Variants in CYP7B1 observed in about 807,000 individuals in gnomAD.
The protein encoded by CYP7B1 is cytochrome P450 7B1.
CYP7B1 carries 29 observed loss-of-function variants against 42.7 expected under a neutral mutation model. The ratio of observed to expected loss-of-function variants is 0.68; its 90% CI spans 0.51 to 0.93. CYP7B1 has a LOEUF of 0.93. CYP7B1 is among the 40% of genes least tolerant of loss of function. CYP7B1 has a pLI of 0.00. For synonymous variants in CYP7B1, 235 were observed against 218.2 expected (o/e 1.08, Z -0.68); for missense variants, 655 against 600.5 (o/e 1.09, Z -0.95).
At chr8:64,661,325 T>C (rs1224430701) in intron 1 of CYP7B1, among the ~76,000 whole-genome samples, 1 of 152,214 alleles carries the variant, frequency 6.6e-6, no homozygotes, top group Admixed American at 6.5e-5. Context: ...TTTATAAATG[T>C]TTGCAAGAAG....
At position 64,637,929 on chromosome 8, in the gene CYP7B1, A is replaced by G. The variant is rs1449726245; in HGVS notation, c.123-13390T>C. Among the ~76,000 whole-genome samples the G allele has an allele frequency of 3.9e-5, 6 of 151,934 alleles. No homozygotes were observed. The East Asian group carries it at 9.6e-4, about 24-fold the overall frequency. ...CTCCTCTCCTATTTTCCATCACTTT[A>G]TCTTTTGCTCCACTTACTGACAGAT... On this transcript the variant is annotated intron_variant, in intron 1 of 5. Coordinates refer to ENST00000310193, the MANE Select transcript of CYP7B1 (RefSeq NM_004820.5).
chr8:64,787,227 GTT>G (rs1199771191), intron 1 of CYP7B1, among the ~76,000 whole-genome samples: 3 of 143,366 alleles, frequency 2.1e-5, no homozygotes, highest in African/African-American at 8.5e-5. Flanking sequence ...GCAGGCTTGA[GTT>G]TCTCTAAAAT....
chr8:64,709,318 T>C (rs35670435), intron 1 of CYP7B1, among the ~76,000 whole-genome samples: 2,910 of 152,356 alleles, frequency 0.019, 41 homozygotes, highest in Non-Finnish European at 0.03. Flanking sequence ...TTCTTTCTTG[T>C]ATCTTATTTA....
chr8:64,674,538 G>T (rs1244948989), intron 1 of CYP7B1, among the ~76,000 whole-genome samples: 1 of 152,096 alleles, frequency 6.6e-6, no homozygotes, highest in African/African-American at 2.4e-5. Context: ...AATACTTGAT[G>T]GCAATAAGGG....
chr8:64,783,503 G>A (rs554366918), intron 1 of CYP7B1, among the ~76,000 whole-genome samples: 1 of 151,396 alleles, frequency 6.6e-6, no homozygotes, highest in East Asian at 1.9e-4. Context: ...TATGTATGTC[G>A]GGTGAGAGGG....
chr8:64,623,951 T>C (rs1805568536), intron 2 of CYP7B1, among the ~76,000 whole-genome samples: 1 of 152,164 alleles, frequency 6.6e-6, no homozygotes, highest in Admixed American at 6.5e-5. Context: ...GGTTCATCAG[T>C]TGTAACAAAT....
intron 1 of CYP7B1, among the ~76,000 whole-genome samples, chr8:64,763,223 A>G (rs1585900802): frequency 6.6e-6 from 1 of 152,190 alleles, no homozygotes; most frequent in East Asian, 1.9e-4. Flanking sequence ...GTTCCTGTAC[A>G]GCTAAGTGCC....
intron 1 of CYP7B1, among the ~76,000 whole-genome samples, chr8:64,712,338 A>C (rs1489448476): frequency 6.6e-6 from 1 of 151,906 alleles, no homozygotes; most frequent in Non-Finnish European, 1.5e-5. Context: ...CAGCACTTGC[A>C]TTCTGGATCT....
chr8:64,679,856 C>T lies in CYP7B1; in HGVS notation c.123-55317G>A, dbSNP rs1399397375. On this transcript the variant is annotated intron_variant, in intron 1 of 5. Transcript: ENST00000310193. ...ATTTATCCAGTATCTCCAAAAGTTTCCTTCTGCCTCCTTTTATTGCTTGCT... is the reference window on the plus strand; with the variant it reads ...ATTTATCCAGTATCTCCAAAAGTTTTCTTCTGCCTCCTTTTATTGCTTGCT... Among the ~76,000 whole-genome samples, 7 of 152,280 alleles carry T rather than the reference C, an allele frequency of 4.6e-5. No homozygotes were observed. In the East Asian group the frequency reaches 9.6e-4, roughly 21 times the overall value.
At chr8:64,715,616 C>T (rs975064218) in intron 1 of CYP7B1, among the ~76,000 whole-genome samples, 2 of 152,066 alleles carry the variant, frequency 1.3e-5, no homozygotes, top group African/African-American at 2.4e-5. Context: ...TACAAAAATC[C>T]TCATAATATC....
At chr8:64,720,060 C>CT (rs1807214833) in intron 1 of CYP7B1, among the ~76,000 whole-genome samples, 1 of 152,148 alleles carries the variant, frequency 6.6e-6, no homozygotes, top group Non-Finnish European at 1.5e-5. Context: ...AATGGTGTCC[C>CT]TTTTGTCTGC....
intron 4 of CYP7B1, 112 bp from the exon 5 acceptor site, chr8:64,604,969 T>C (rs1805258178): frequency 7.4e-6 from 9 of 1,221,108 alleles, no homozygotes; most frequent in Non-Finnish European, 9.3e-6. Context: ...GGAAACTGTT[T>C]CTTCATCACA....
At chr8:64,671,467 C>A (rs1003801961) in intron 1 of CYP7B1, among the ~76,000 whole-genome samples, 1 of 152,086 alleles carries the variant, frequency 6.6e-6, no homozygotes, top group Non-Finnish European at 1.5e-5. Flanking sequence ...ATATAGCCAA[C>A]ATATAATCAG....
At chr8:64,679,320 C>G (rs1806500184) in intron 1 of CYP7B1, among the ~76,000 whole-genome samples, 1 of 152,046 alleles carries the variant, frequency 6.6e-6, no homozygotes, top group Non-Finnish European at 1.5e-5. Flanking sequence ...ACTTTATATG[C>G]CAGTGACAGG....
chr8:64,631,254 T>G (rs377748829), intron 1 of CYP7B1, among the ~76,000 whole-genome samples: 28 of 152,292 alleles, frequency 1.8e-4, no homozygotes, highest in East Asian at 1.2e-3. Context: ...CAAGTGGAAT[T>G]TACGCCAGGT....
At chr8:64,774,269 A>G (rs539215311) in intron 1 of CYP7B1, among the ~76,000 whole-genome samples, 2 of 152,226 alleles carry the variant, frequency 1.3e-5, no homozygotes, top group Non-Finnish European at 2.9e-5. Flanking sequence ...TTCTTTGAGG[A>G]CAGAAACTGA....
At chr8:64,660,192 C>T (rs999824528) in intron 1 of CYP7B1, among the ~76,000 whole-genome samples, 2 of 152,134 alleles carry the variant, frequency 1.3e-5, no homozygotes, top group Non-Finnish European at 2.9e-5. Flanking sequence ...AAATAACTTG[C>T]CCATGGCTAC....
In CYP7B1 at chr8:64,597,753, T is replaced by G. The variant is rs546706908; in HGVS notation, c.1234-824A>C. Among the ~76,000 whole-genome samples the G allele has an allele frequency of 2.6e-5, 4 of 152,368 alleles. No individual in the cohort carries two copies. The South Asian group carries it at 8.3e-4, about 32-fold the overall frequency. ...CTCACTTGAATTTCTTAGAGGGGAC[T>G]GAGTGACCTTATTTTAGCCTATGGT... On this transcript the variant is annotated intron_variant, in intron 5 of 5. Transcript: ENST00000310193.
chr8:64,755,142 C>T (rs1465648309), intron 1 of CYP7B1, among the ~76,000 whole-genome samples: 2 of 152,100 alleles, frequency 1.3e-5, no homozygotes, highest in South Asian at 2.1e-4. Context: ...TGCCTCACCG[C>T]AGGCTGACTG....
Sources: gnomAD v4.1 joint callset for allele counts (sites outside exome capture counted in the v4.1 genomes callset) on GRCh38, gnomAD v4.1.1 for gene constraint, MANE v1.5 for transcripts, NCBI Gene and HGNC (gene_info 2026-07-23, HGNC 2026-07-21) for gene names.